CIITA: variants seen among roughly 807,000 people sequenced by gnomAD.
The protein encoded by CIITA is class II major histocompatibility complex transactivator, also known as MHC class II transactivator.
A neutral mutation model predicts 115.1 loss-of-function variants in CIITA; 72 were observed. The ratio of observed to expected loss-of-function variants is 0.63; its 90% confidence interval spans 0.52 to 0.76. The LOEUF is 0.76. Among genes scored for constraint, CIITA ranks in the 30% least tolerant of loss-of-function variants. The pLI is 0.00. For missense variants in CIITA, 1,617 were observed against 1,463.8 expected (o/e 1.10, Z -1.71); for synonymous variants, 763 against 635.6 (o/e 1.20, Z -3.02).
At chr16:10,874,521 ACT>A (rs1375084160), upstream of CIITA, among the ~76,000 whole-genome samples, 1 of 151,924 alleles carries the variant, frequency 6.6e-6, no homozygotes, top group Non-Finnish European at 1.5e-5. Flanking sequence ...TCATCTGTAG[ACT>A]CTCTACCCTG....
In CIITA at chr16:10,929,377, G is replaced by C. The variant is rs1315086125; in HGVS notation, c.*5522G>C. On this transcript the variant is annotated 3_prime_UTR_variant, in exon 20 of 20. Coordinates refer to ENST00000324288, the MANE Select transcript of CIITA (RefSeq NM_000246.4). The surrounding 1 kb of genome is among the most constrained non-coding windows in gnomAD (Gnocchi z 4.3). ...CCATCGCAGCTGCAAATAATCAGAA[G>C]CCAAGGCCAGGCCATCGATTTGACA... 2 of 985,908 alleles carry C rather than the reference G, an allele frequency of 2.0e-6. No homozygotes were observed. Among genetic ancestry groups the C allele is most frequent in the Non-Finnish European group, 1.2e-6 (1 of 829,950 alleles). 61.1% of individuals were successfully genotyped at this position (985,908 alleles called of 1,614,324 possible). A position where few individuals can be genotyped will look rare whatever the true frequency, so the allele number is the denominator to read the frequency against.
chr16:10,907,909 T>C lies in CIITA; in HGVS notation c.2417T>C (p.Leu806Pro). Residue 806 changes from leucine to proline, a missense_variant, in exon 11 of 20, where the codon CTG becomes CCG. Leu to Pro is a moderately conservative substitution (Grantham distance 98). Coordinates refer to ENST00000324288, the MANE Select transcript of CIITA (RefSeq NM_000246.4). This position sits in a 1 kb window ranked among gnomAD's most constrained non-coding sequence, Gnocchi z 5.0. ...CCGGGGACACTGCGGGCGCGGCAGCTGCTGGAGCTGCTGCACTGCGCCCAC... is the reference window on the plus strand; with the variant it reads ...CCGGGGACACTGCGGGCGCGGCAGCCGCTGGAGCTGCTGCACTGCGCCCAC... ...LQPGTLRARQLLELLHCAHEA... is the reference protein window; with the variant it reads ...LQPGTLRARQPLELLHCAHEA... 2 of 1,579,318 alleles carry C rather than the reference T, an allele frequency of 1.3e-6. No homozygotes were observed. Among genetic ancestry groups the C allele is most frequent in the Non-Finnish European group, 1.7e-6 (2 of 1,163,392 alleles).
rs2038872567 is a variant in CIITA, at chr16:10,902,748, T to C, written c.719T>C (p.Leu240Pro). ...VPTISTLPHG[L>P]WQISEAGTGV... ...ACCATCTCCACTCTGCCCCATGGGC[T>C]CTGGCAAATCTCTGAGGCTGGAACA... Residue 240 changes from leucine (L) to proline (P), a missense_variant, in exon 8 of 20, where the codon CTC becomes CCC. Leu to Pro is a moderately conservative substitution (Grantham distance 98). Transcript: ENST00000324288. The C allele has an allele frequency of 6.2e-7, 1 of 1,614,106 alleles. No individual in the cohort carries two copies. Among genetic ancestry groups the C allele is most frequent in the Admixed American group, 1.7e-5 (1 of 60,004 alleles).
upstream of CIITA, among the ~76,000 whole-genome samples, chr16:10,874,566 A>T (rs1283463782): frequency 6.6e-6 from 1 of 152,230 alleles, no homozygotes; most frequent in Admixed American, 6.5e-5. Flanking sequence ...ATCCTCTGCC[A>T]TCAGTCAAAC....
At chr16:10,896,754 C>A (rs956977556) in intron 3 of CIITA, among the ~76,000 whole-genome samples, 2 of 152,228 alleles carry the variant, frequency 1.3e-5, no homozygotes, top group African/African-American at 4.8e-5. Context: ...GGTCTTCTTC[C>A]TGCCAACCCA....
In CIITA at chr16:10,924,758, C is replaced by T. The variant is rs1424765620; in HGVS notation, c.*903C>T. ...GATGCACCAGCCCTTAGCAGGGAAA[C>T]AGCTAATGGGACACTAATGGGGCGG... On this transcript the variant is annotated 3_prime_UTR_variant, in exon 20 of 20. Coordinates refer to ENST00000324288, the MANE Select transcript of CIITA (RefSeq NM_000246.4). 1 of 152,272 alleles carries T rather than the reference C, an allele frequency of 6.6e-6. No homozygotes were observed. Among genetic ancestry groups the T allele is most frequent in the Non-Finnish European group, 1.5e-5 (1 of 68,074 alleles). 9.4% of individuals were successfully genotyped at this position (152,272 alleles called of 1,614,324 possible).
chr16:10,921,068 A>G (rs1056102434), intron 16 of CIITA, among the ~76,000 whole-genome samples: 6 of 152,112 alleles, frequency 3.9e-5, no homozygotes, highest in African/African-American at 1.4e-4. Flanking sequence ...GGGTTTCTCC[A>G]TGTTGGTCAG....
intron 3 of CIITA, among the ~76,000 whole-genome samples, chr16:10,896,236 T>C (rs2038109690): frequency 6.6e-6 from 1 of 152,252 alleles, no homozygotes; most frequent in Non-Finnish European, 1.5e-5. Flanking sequence ...ATTATTAGTT[T>C]CTGTCTTTTA....
At chr16:10,898,479 C>T (rs891614022) in intron 3 of CIITA, among the ~76,000 whole-genome samples, 191 bp from the exon 4 acceptor site, 4 of 151,496 alleles carry the variant, frequency 2.6e-5, no homozygotes, top group African/African-American at 9.7e-5. Flanking sequence ...CATACCTCAT[C>T]CTTTTGATTA....
At chr16:10,866,860 G>A (rs939437098) in intron 1 of CIITA, among the ~76,000 whole-genome samples, 1 of 152,168 alleles carries the variant, frequency 6.6e-6, no homozygotes, top group African/African-American at 2.4e-5. Context: ...CAACATTAAC[G>A]GGGCATGGAT....
intron 1 of CIITA, among the ~76,000 whole-genome samples, chr16:10,882,820 C>T (rs1227741284): frequency 6.6e-6 from 1 of 151,800 alleles, no homozygotes; most frequent in Non-Finnish European, 1.5e-5. Flanking sequence ...TCGCCTGAAC[C>T]CAGGAGGCGG....
At chr16:10,917,782 A>G (rs544204291) in intron 15 of CIITA, among the ~76,000 whole-genome samples, 10 of 152,178 alleles carry the variant, frequency 6.6e-5, no homozygotes, top group Admixed American at 3.3e-4. Context: ...GCCCAGTTCA[A>G]CATGATTTTT....
chr16:10,866,301 C>T (rs748575241), exon 1 of CIITA: 32 of 567,700 alleles, frequency 5.6e-5, no homozygotes, highest in Non-Finnish European at 1.1e-4. Context: ...TGAACAACTT[C>T]CAGGCCATCC....
rs2040451609 is a variant in CIITA, at chr16:10,924,549, T to C, written c.*694T>C. 6.6e-6 allele frequency: 1 copy of C among 152,254 alleles called. No individual in the cohort carries two copies. Among genetic ancestry groups the C allele is most frequent in the African/African-American group, 2.4e-5 (1 of 41,448 alleles). The allele number at this position is 152,254 out of a possible 1,614,324, so 9.4% of individuals were successfully genotyped here. On this transcript the variant is annotated 3_prime_UTR_variant, in exon 20 of 20. Coordinates refer to ENST00000324288, the MANE Select transcript of CIITA (RefSeq NM_000246.4). ...CACCGGGCCACAGAGAAAGTACTTCTCCACCCTGCTCTCCGACCAGACACC... is the reference window on the plus strand; with the variant it reads ...CACCGGGCCACAGAGAAAGTACTTCCCCACCCTGCTCTCCGACCAGACACC...
In CIITA at chr16:10,942,357, T is replaced by A; in HGVS notation, n.1483T>A. On this transcript the variant is annotated non_coding_transcript_exon_variant, in exon 2 of 2. Coordinates refer to the CIITA transcript ENST00000573379. The surrounding 1 kb of genome is among the most constrained non-coding windows in gnomAD (Gnocchi z 5.0). ...ACCGCGGCTCAGTGTCTAGGGCCGG[T>A]CCCGGCAGCCTTCTCTCCCGCCCCG... 5.2e-6 allele frequency: 1 copy of A among 193,240 alleles called. No individual in the cohort carries two copies. Among genetic ancestry groups the A allele is most frequent in the East Asian group, 1.5e-4 (1 of 6,638 alleles). The allele number at this position is 193,240 out of a possible 1,614,324, so 12.0% of individuals were successfully genotyped here.
Position 10,903,736 on chromosome 16 carries a change from G to A in CIITA, c.778G>A (p.Val260Met), listed in dbSNP as rs768584905. The change falls in exon 9 of 20, where the codon GTG becomes ATG. Residue 260 changes from valine to methionine, a missense_variant. Coordinates refer to ENST00000324288, the MANE Select transcript of CIITA (RefSeq NM_000246.4). ...VSSIFIYHGE[V>M]PQASQVPPPS... ...ACTCTCCACCCCCAATGTAGGTGAG[G>A]TGCCCCAGGCCAGCCAAGTACCCCC... The A allele has an allele frequency of 1.2e-6, 2 of 1,613,998 alleles. No individual in the cohort carries two copies. The highest frequency in any genetic ancestry group is 1.7e-6 in the Non-Finnish European group (2 of 1,180,038).
At chr16:10,890,090 C>T (rs1032856132) in intron 1 of CIITA, among the ~76,000 whole-genome samples, 5 of 152,092 alleles carry the variant, frequency 3.3e-5, no homozygotes, top group African/African-American at 1.2e-4. Context: ...AAGGTGCAGG[C>T]TTCAGTCTTA....
chr16:10,924,526 C>CAG lies in CIITA; in HGVS notation c.*671_*672insAG, dbSNP rs2040449904. 1 of 152,450 alleles carries CAG rather than the reference C, an allele frequency of 6.6e-6. No individual in the cohort carries two copies. Among genetic ancestry groups the CAG allele is most frequent in the Non-Finnish European group, 1.5e-5 (1 of 68,216 alleles). The allele number at this position is 152,450 out of a possible 1,614,324, so 9.4% of individuals were successfully genotyped here. A position where few individuals can be genotyped will look rare whatever the true frequency, so the allele number is the denominator to read the frequency against. On this transcript the variant is annotated 3_prime_UTR_variant, in exon 20 of 20. Transcript: ENST00000324288. Reference sequence around the variant, plus strand: ...GGGATTACAAGCGTGAGCCACTGCACCGGGCCACAGAGAAAGTACTTCTCC... The same window carrying CAG: ...GGGATTACAAGCGTGAGCCACTGCACAGCGGGCCACAGAGAAAGTACTTCTCC...
At chr16:10,902,342 C>T (rs1485467303) in intron 7 of CIITA, among the ~76,000 whole-genome samples, 158 bp downstream of exon 7, 1 of 152,152 alleles carries the variant, frequency 6.6e-6, no homozygotes, top group Non-Finnish European at 1.5e-5. Flanking sequence ...CCTTGGGGCC[C>T]CCGTCAGCTC....
Sources: allele counts gnomAD v4.1 joint callset (sites outside exome capture counted in the v4.1 genomes callset), GRCh38; gene constraint gnomAD v4.1.1; non-coding constraint Gnocchi (gnomAD v3.1); transcripts MANE v1.5; gene names NCBI Gene and HGNC (gene_info 2026-07-23, HGNC 2026-07-21).